RAPGEF2: variants seen among roughly 807,000 people sequenced by gnomAD.
RAPGEF2 encodes Rap guanine nucleotide exchange factor 2.
Under a neutral mutation model 186.7 loss-of-function variants are expected in RAPGEF2, and 54 were observed. The ratio of observed to expected loss-of-function variants is 0.29; its 90% CI spans 0.23 to 0.36. RAPGEF2 has a LOEUF of 0.36. Ranked by LOEUF, RAPGEF2 falls within the 10% of genes least tolerant of loss-of-function variation. RAPGEF2 has a pLI of 1.00. For synonymous variants in RAPGEF2, 712 were observed against 705.9 expected (o/e 1.01, Z -0.14); for missense variants, 1,532 against 2,045.0 (o/e 0.75, Z 4.84).
At chr4:159,331,057 T>C (rs1251221887) in intron 13 of RAPGEF2, among the ~76,000 whole-genome samples, 2 of 152,216 alleles carry the variant, frequency 1.3e-5, no homozygotes, top group Non-Finnish European at 2.9e-5. Flanking sequence ...TAGCATTGAT[T>C]CTCTTTGTCC....
intron 7 of RAPGEF2, among the ~76,000 whole-genome samples, chr4:159,255,454 C>T (rs1187348842): frequency 1.3e-5 from 2 of 151,836 alleles, no homozygotes; most frequent in Non-Finnish European, 2.9e-5. Flanking sequence ...CCCTTGTTAC[C>T]ACAAAGTGTG....
intron 7 of RAPGEF2, among the ~76,000 whole-genome samples, chr4:159,251,879 A>C (rs1026568318): frequency 2.6e-5 from 4 of 151,700 alleles, no homozygotes; most frequent in South Asian, 2.1e-4. Context: ...GTTCGTTTCC[A>C]CAGCGTGGAG....
At chr4:159,194,394 CAT>C (rs963297727) in intron 3 of RAPGEF2, among the ~76,000 whole-genome samples, 2 of 152,100 alleles carry the variant, frequency 1.3e-5, no homozygotes, top group African/African-American at 2.4e-5. Context: ...TCCTAAATAA[CAT>C]GTTATGGAAA....
chr4:159,305,442 G>C (rs1763166328), intron 8 of RAPGEF2, among the ~76,000 whole-genome samples: 1 of 152,048 alleles, frequency 6.6e-6, no homozygotes, highest in Non-Finnish European at 1.5e-5. Context: ...GTGATATTAA[G>C]CATTTTTTCA....
chr4:159,261,562 T>TG (rs1313949368), intron 7 of RAPGEF2, among the ~76,000 whole-genome samples: 7 of 152,234 alleles, frequency 4.6e-5, no homozygotes, highest in Admixed American at 2.6e-4. Flanking sequence ...GTGTTTGAGA[T>TG]GTTTACAAAG....
intron 7 of RAPGEF2, among the ~76,000 whole-genome samples, chr4:159,247,124 T>C (rs1754728600): frequency 6.6e-6 from 1 of 152,236 alleles, no homozygotes; most frequent in Non-Finnish European, 1.5e-5. Flanking sequence ...CTGTGAATTA[T>C]AATGGGATGG....
chr4:159,103,175 GC>G lies in RAPGEF2; in HGVS notation c.-987del, dbSNP rs924165008. 2.6e-5 allele frequency: 4 copies of G among 151,844 alleles called. No individual in the cohort carries two copies. Among genetic ancestry groups the G allele is most frequent in the Admixed American group, 6.6e-5 (1 of 15,252 alleles). The allele number at this position is 151,844 out of a possible 1,614,324, so 9.4% of individuals were successfully genotyped here. ...CTTCCCAAACACTCTCTCCGAGGGG[GC>G]TGTGCGCGGCTCTCGGCTTTCGGCC... On this transcript the variant is annotated 5_prime_UTR_variant, in exon 1 of 30. Transcript: ENST00000691494.
In RAPGEF2 at chr4:159,338,316, T is replaced by C. The variant is rs539412258; in HGVS notation, c.2141T>C (p.Ile714Thr). ...SILPQKPYND[I>T]GIGQSQDDSI... The stretch of plus-strand genomic sequence containing the variant: ...TAATTTTCCTCTTTGTTCAGTGATA[T>C]TGGGATTGGTCAGTCTCAAGATGAC... Residue 714 changes from isoleucine (I) to threonine (T), a missense_variant, in exon 18 of 30, where the codon ATT becomes ACT. Physicochemically the swap from Ile to Thr is moderately conservative, Grantham distance 89. Coordinates refer to ENST00000691494, the MANE Select transcript of RAPGEF2 (RefSeq NM_001394067.2). The C allele has an allele frequency of 5.6e-6, 9 of 1,610,496 alleles. No homozygotes were observed. The highest frequency in any genetic ancestry group is 1.1e-5 in the South Asian group (1 of 90,380).
intron 1 of RAPGEF2, among the ~76,000 whole-genome samples, chr4:159,142,062 C>G (rs1397465504): frequency 6.6e-6 from 1 of 152,066 alleles, no homozygotes; most frequent in African/African-American, 2.4e-5. Flanking sequence ...ACGTTGTGTA[C>G]ATCTAAGATT....
chr4:159,336,638 G>C (rs917362079), intron 17 of RAPGEF2, among the ~76,000 whole-genome samples: 1 of 152,088 alleles, frequency 6.6e-6, no homozygotes, highest in Admixed American at 6.5e-5. Context: ...CAAAACGTGT[G>C]CAAGTGTCTT....
intron 7 of RAPGEF2, among the ~76,000 whole-genome samples, chr4:159,264,246 T>C (rs1440465644): frequency 2.0e-5 from 3 of 152,142 alleles, no homozygotes; most frequent in Non-Finnish European, 4.4e-5. Flanking sequence ...GATGTGTAGG[T>C]TGTAGGCATG....
intron 1 of RAPGEF2, among the ~76,000 whole-genome samples, chr4:159,131,223 G>C (rs575408418): frequency 2.6e-5 from 4 of 152,218 alleles, no homozygotes; most frequent in African/African-American, 9.6e-5. Context: ...CGATTCTGCT[G>C]CCTCATCTTC....
Position 159,329,964 on chromosome 4 carries a change from G to A in RAPGEF2, c.1256G>A (p.Arg419Gln), listed in dbSNP as rs376476743. ...EGEIVMVKEH[R>Q]ELDRTGTRKG... is the part of the protein sequence containing the mutation. ...GAGATTGTTATGGTGAAAGAACACC[G>A]AGAACTTGATCGAACTGGAACAAGA... The change falls in exon 12 of 30, where the codon CGA becomes CAA. Residue 419 changes from arginine to glutamine, a missense_variant. Physicochemically the swap from Arg to Gln is conservative, Grantham distance 43. Transcript: ENST00000691494. 1 of 1,613,330 alleles carries A rather than the reference G, an allele frequency of 6.2e-7. No individual in the cohort carries two copies. The highest frequency in any genetic ancestry group is 8.5e-7 in the Non-Finnish European group (1 of 1,179,550).
chr4:159,255,324 TTC>T (rs934034914), intron 7 of RAPGEF2, among the ~76,000 whole-genome samples: 1 of 152,120 alleles, frequency 6.6e-6, no homozygotes, highest in African/African-American at 2.4e-5. Flanking sequence ...TCTAGAATTC[TTC>T]TCTTTCTTTT....
At chr4:159,203,215 C>G (rs1749633524) in intron 3 of RAPGEF2, among the ~76,000 whole-genome samples, 1 of 152,102 alleles carries the variant, frequency 6.6e-6, no homozygotes, top group Non-Finnish European at 1.5e-5. Flanking sequence ...GATCCTGGCT[C>G]CATTTTTCCA....
intron 1 of RAPGEF2, among the ~76,000 whole-genome samples, chr4:159,145,971 G>A (rs976891040): frequency 6.6e-6 from 1 of 152,148 alleles, no homozygotes; most frequent in African/African-American, 2.4e-5. Context: ...TAGGTAAACT[G>A]TCACCACTTG....
rs548880779 is a variant in RAPGEF2 at position 159,188,050 on chromosome 4, A to G, written c.140+1338A>G. Among the ~76,000 whole-genome samples, 4 of 151,504 alleles carry G rather than the reference A, an allele frequency of 2.6e-5. No individual in the cohort carries two copies. In the South Asian group the frequency reaches 8.3e-4, roughly 31 times the overall value. ...AGTCAAGTTTTATTAGAAAGGGCAA[A>G]ACCACTGGGATTTTAGAAGATGGCT... On this transcript the variant is annotated intron_variant, in intron 2 of 29. Coordinates refer to ENST00000691494, the MANE Select transcript of RAPGEF2 (RefSeq NM_001394067.2).
chr4:159,155,802 A>G (rs1744048883), intron 1 of RAPGEF2, among the ~76,000 whole-genome samples: 1 of 151,950 alleles, frequency 6.6e-6, no homozygotes, highest in Admixed American at 6.5e-5. Flanking sequence ...TTTTTAATAT[A>G]ACACTTATAG....
At chr4:159,231,737 C>T (rs1310294943) in intron 4 of RAPGEF2, among the ~76,000 whole-genome samples, 3 of 152,132 alleles carry the variant, frequency 2.0e-5, no homozygotes, top group African/African-American at 7.2e-5. Context: ...TTTTGGATTT[C>T]ATATTTCCAG....
Sources: allele counts gnomAD v4.1 joint callset (sites outside exome capture counted in the v4.1 genomes callset), GRCh38; gene constraint gnomAD v4.1.1; transcripts MANE v1.5; gene names NCBI Gene and HGNC (gene_info 2026-07-23, HGNC 2026-07-21).